CSTPP1: variants seen among roughly 807,000 people sequenced by gnomAD.
CSTPP1 encodes centriolar satellite-associated tubulin polyglutamylase complex regulator 1.
chr11:46,966,657 T>C, the CSTPP1 span, among the ~76,000 whole-genome samples: 1 of 152,236 alleles, frequency 6.6e-6, no homozygotes, highest in African/African-American at 2.4e-5. Flanking sequence ...CAAATAATCT[T>C]CCAGTGCTTT....
At chr11:46,986,262 C>A in the CSTPP1 span, among the ~76,000 whole-genome samples, 2 of 152,096 alleles carry the variant, frequency 1.3e-5, no homozygotes, top group East Asian at 3.9e-4. Flanking sequence ...TATTATACGC[C>A]CATGATTAAC....
At chr11:47,052,269 T>C in the CSTPP1 span, 3 of 1,288,602 alleles carry the variant, frequency 2.3e-6, no homozygotes, top group South Asian at 4.5e-5. Flanking sequence ...GTTCAGAGTT[T>C]TGTTGGGGAG....
At chr11:47,152,274 G>A in the CSTPP1 span, among the ~76,000 whole-genome samples, 7 of 151,576 alleles carry the variant, frequency 4.6e-5, no homozygotes, top group East Asian at 3.9e-4. Context: ...ATTGTTACCC[G>A]TATTAAGGGC....
chr11:47,008,018 A>G, the CSTPP1 span, among the ~76,000 whole-genome samples: 1 of 151,532 alleles, frequency 6.6e-6, no homozygotes. Context: ...CCCAGGCTGG[A>G]GTGCAGTGGA....
the CSTPP1 span, among the ~76,000 whole-genome samples, chr11:47,085,676 G>A: frequency 6.6e-6 from 1 of 152,014 alleles, no homozygotes; most frequent in Non-Finnish European, 1.5e-5. Context: ...GATCACCTGA[G>A]GTCAGGAGTT....
chr11:47,157,751 T>A, the CSTPP1 span: 8 of 1,505,938 alleles, frequency 5.3e-6, no homozygotes, highest in Non-Finnish European at 7.4e-6. Flanking sequence ...AACCTGAAAG[T>A]ATGGATGCAG....
At chr11:46,945,596 CAG>C in the CSTPP1 span, among the ~76,000 whole-genome samples, 2 of 152,098 alleles carry the variant, frequency 1.3e-5, no homozygotes, top group Non-Finnish European at 2.9e-5. Context: ...GCCTGGGCGA[CAG>C]AGCAAGACTC....
At chr11:47,124,389 T>G in the CSTPP1 span, among the ~76,000 whole-genome samples, 2 of 152,102 alleles carry the variant, frequency 1.3e-5, no homozygotes, top group Non-Finnish European at 2.9e-5. Context: ...CCCAAAGTGC[T>G]GGGGCATAAG....
chr11:47,132,441 T>C, the CSTPP1 span, among the ~76,000 whole-genome samples: 1 of 152,264 alleles, frequency 6.6e-6, no homozygotes, highest in African/African-American at 2.4e-5. Context: ...TACCACTTAT[T>C]GAGCACTTTG....
the CSTPP1 span, among the ~76,000 whole-genome samples, chr11:47,115,460 G>T: frequency 6.6e-6 from 1 of 152,028 alleles, no homozygotes; most frequent in African/African-American, 2.4e-5. Context: ...GACTTCTTTT[G>T]GTTGGTAGGC....
the CSTPP1 span, among the ~76,000 whole-genome samples, chr11:47,024,745 AC>A: frequency 6.6e-6 from 1 of 152,052 alleles, no homozygotes; most frequent in Non-Finnish European, 1.5e-5. Context: ...TTCTGGAACA[AC>A]TATCCCAGGA....
the CSTPP1 span, among the ~76,000 whole-genome samples, chr11:47,033,333 TAAAAG>T: frequency 1.3e-5 from 2 of 152,222 alleles, no homozygotes; most frequent in East Asian, 3.8e-4. Flanking sequence ...GTTCATGTCA[TAAAAG>T]AAGTCAAAAG....
chr11:47,090,467 GAA>G, the CSTPP1 span, among the ~76,000 whole-genome samples: 1 of 148,288 alleles, frequency 6.7e-6, no homozygotes, highest in African/African-American at 2.5e-5. Flanking sequence ...TCTTAAGATG[GAA>G]AAAAAAACAG....
chr11:47,122,091 A>AAATATAT, the CSTPP1 span, among the ~76,000 whole-genome samples: 105 of 31,838 alleles, frequency 3.3e-3, 3 homozygotes, highest in African/African-American at 6.1e-3. Flanking sequence ...AAAAAAAAAA[A>AAATATAT]ATATATATAT....
At chr11:46,950,176 C>CTTT in the CSTPP1 span, among the ~76,000 whole-genome samples, 1 of 136,316 alleles carries the variant, frequency 7.3e-6, no homozygotes, top group African/African-American at 2.7e-5. Context: ...TTTTTCTTTT[C>CTTT]TTTTTTTTTT....
At chr11:47,117,882 T>C in the CSTPP1 span, among the ~76,000 whole-genome samples, 207 of 134,174 alleles carry the variant, frequency 1.5e-3, no homozygotes, top group African/African-American at 5.4e-3. Flanking sequence ...CTTTTCTTTT[T>C]TTTTTTTTTT....
the CSTPP1 span, among the ~76,000 whole-genome samples, chr11:46,976,270 C>T: frequency 6.6e-6 from 1 of 152,094 alleles, no homozygotes; most frequent in African/African-American, 2.4e-5. Context: ...AACAAAGCCA[C>T]TTGCTCTTAA....
the CSTPP1 span, among the ~76,000 whole-genome samples, chr11:46,939,430 T>C: frequency 6.6e-6 from 1 of 152,090 alleles, no homozygotes; most frequent in Admixed American, 6.6e-5. Flanking sequence ...TTACATTTTG[T>C]TTAACTTATT....
the CSTPP1 span, among the ~76,000 whole-genome samples, chr11:46,939,147 A>G: frequency 1.4e-5 from 2 of 143,844 alleles, no homozygotes; most frequent in African/African-American, 2.6e-5. Context: ...CTGGAGTGCA[A>G]TGATGCGATC....
Sources: gnomAD v4.1 joint callset for allele counts (sites outside exome capture counted in the v4.1 genomes callset) on GRCh38, gnomAD v4.1.1 for gene constraint, MANE v1.5 for transcripts, NCBI Gene and HGNC (gene_info 2026-07-23, HGNC 2026-07-21) for gene names.